MYO16: variants seen among roughly 807,000 people sequenced by gnomAD.
MYO16 encodes the protein unconventional myosin-XVI.
In MYO16, 94 loss-of-function variants were observed where a neutral mutation model predicts 205.3. The observed-to-expected ratio is 0.46, with a 90% CI of 0.39 to 0.54. MYO16 has a LOEUF of 0.54. Among genes scored for constraint, MYO16 ranks in the 20% least tolerant of loss-of-function variants. The pLI is 0.00. For synonymous variants in MYO16, 988 were observed against 954.0 expected, an observed-to-expected ratio of 1.04 and a Z score of -0.66; for missense variants, 2,315 against 2,387.5, an observed-to-expected ratio of 0.97 and a Z score of 0.63.
At chr13:108,532,155 G>A in the MYO16 span, among the ~76,000 whole-genome samples, 1 of 151,988 alleles carries the variant, frequency 6.6e-6, no homozygotes, top group East Asian at 1.9e-4. Flanking sequence ...GCCGTGAGCC[G>A]AGATTGTGCC....
At chr13:108,751,086 CAT>C (rs1491021145) in intron 4 of MYO16, among the ~76,000 whole-genome samples, 15 of 151,588 alleles carry the variant, frequency 9.9e-5, no homozygotes, top group East Asian at 1.9e-4. Flanking sequence ...CACACACACA[CAT>C]ACATTTCCCT....
At chr13:108,797,969 G>C (rs1379374386) in intron 6 of MYO16, among the ~76,000 whole-genome samples, 1 of 152,174 alleles carries the variant, frequency 6.6e-6, no homozygotes, top group Admixed American at 6.5e-5. Flanking sequence ...TTATTGAACA[G>C]AGAGCATAAA....
At chr13:108,707,334 A>G (rs187920871) in intron 2 of MYO16, among the ~76,000 whole-genome samples, 4 of 152,328 alleles carry the variant, frequency 2.6e-5, no homozygotes, top group Non-Finnish European at 4.4e-5. Context: ...ATAGGGATCA[A>G]TCAATGACGT....
intron 16 of MYO16, among the ~76,000 whole-genome samples, chr13:108,956,227 CCAGA>C (rs909102053): frequency 3.3e-5 from 5 of 152,120 alleles, no homozygotes; most frequent in African/African-American, 4.8e-5. Context: ...CCCTGTTTTC[CCAGA>C]CAGAGACTTG....
At chr13:108,969,781 T>C (rs1883940555) in intron 20 of MYO16, among the ~76,000 whole-genome samples, 1 of 152,198 alleles carries the variant, frequency 6.6e-6, no homozygotes, top group South Asian at 2.1e-4. Context: ...AACTGCGGAT[T>C]GTTAAATATT....
At chr13:108,644,918 G>A (rs946728293) in intron 1 of MYO16, among the ~76,000 whole-genome samples, 9 of 152,186 alleles carry the variant, frequency 5.9e-5, no homozygotes, top group African/African-American at 2.2e-4. Context: ...TTTATTCCAA[G>A]AGTATAAGTA....
chr13:109,128,768 GTTTT>G (rs1172405612), intron 31 of MYO16, among the ~76,000 whole-genome samples: 3 of 115,014 alleles, frequency 2.6e-5, no homozygotes, highest in African/African-American at 1.0e-4. Context: ...CACTTTTTTA[GTTTT>G]TTTTTTTTTT....
chr13:108,924,991 TC>T (rs1429367102), intron 16 of MYO16, among the ~76,000 whole-genome samples: 2 of 152,186 alleles, frequency 1.3e-5, no homozygotes, highest in Non-Finnish European at 2.9e-5. Context: ...TACTTGTCTT[TC>T]TGGGAATAGA....
the MYO16 span, among the ~76,000 whole-genome samples, chr13:108,549,372 C>G: frequency 3.3e-5 from 5 of 151,724 alleles, no homozygotes; most frequent in African/African-American, 1.2e-4. Context: ...AGAGGTTCCT[C>G]TGGATCTTCT....
At chr13:108,801,282 T>A (rs1430756877) in intron 6 of MYO16, among the ~76,000 whole-genome samples, 1 of 152,190 alleles carries the variant, frequency 6.6e-6, no homozygotes, top group African/African-American at 2.4e-5. Context: ...TTGAAATCAT[T>A]TTAGAAATAA....
chr13:108,890,632 G>A (rs73614634), intron 14 of MYO16, among the ~76,000 whole-genome samples: 10,449 of 152,108 alleles, frequency 0.069, 487 homozygotes, highest in Middle Eastern at 0.2. Flanking sequence ...TATCTAGTTC[G>A]GACTCATTGA....
At chr13:108,536,241 T>C in the MYO16 span, among the ~76,000 whole-genome samples, 3 of 152,268 alleles carry the variant, frequency 2.0e-5, no homozygotes, top group East Asian at 3.9e-4. Context: ...TTTGATGTAA[T>C]CTCTTTAGGA....
chr13:108,679,966 G>A (rs1321518230), intron 2 of MYO16, among the ~76,000 whole-genome samples: 1 of 151,992 alleles, frequency 6.6e-6, no homozygotes, highest in African/African-American at 2.4e-5. Context: ...CTAGAACTTT[G>A]TATGTTCTAG....
intron 34 of MYO16, among the ~76,000 whole-genome samples, chr13:109,194,235 A>AT (rs1880052254): frequency 6.6e-6 from 1 of 152,138 alleles, no homozygotes; most frequent in African/African-American, 2.4e-5. Flanking sequence ...AGTTCCTTGC[A>AT]TTTTCATAAA....
chr13:108,574,313 T>C, the MYO16 span, among the ~76,000 whole-genome samples: 3 of 152,178 alleles, frequency 2.0e-5, no homozygotes, highest in Admixed American at 1.3e-4. Flanking sequence ...CATGGTTATA[T>C]GAAGCAAGGA....
chr13:109,041,594 G>A (rs1886886696), intron 23 of MYO16, among the ~76,000 whole-genome samples: 2 of 152,128 alleles, frequency 1.3e-5, no homozygotes, highest in Non-Finnish European at 2.9e-5. Flanking sequence ...GCAACATGCG[G>A]GATCCGTGTG....
At chr13:109,023,699 A>T (rs1886235753) in intron 23 of MYO16, among the ~76,000 whole-genome samples, 1 of 127,916 alleles carries the variant, frequency 7.8e-6, no homozygotes, top group African/African-American at 2.9e-5. Flanking sequence ...ATATATGTAT[A>T]TATGTATATA....
At chr13:108,780,992 T>C (rs1484572927) in intron 4 of MYO16, among the ~76,000 whole-genome samples, 1 of 152,246 alleles carries the variant, frequency 6.6e-6, no homozygotes, top group East Asian at 1.9e-4. Context: ...TAAAAGAGCC[T>C]GATGACTTCT....
chr13:109,176,750 C>A (rs1161480582), intron 33 of MYO16, among the ~76,000 whole-genome samples: 1 of 151,540 alleles, frequency 6.6e-6, no homozygotes, highest in Admixed American at 6.6e-5. Flanking sequence ...CGGGCCCAGT[C>A]GCTTGTCCCA....
Sources: allele counts gnomAD v4.1 joint callset (sites outside exome capture counted in the v4.1 genomes callset), GRCh38; gene constraint gnomAD v4.1.1; transcripts MANE v1.5; gene names NCBI Gene and HGNC (gene_info 2026-07-23, HGNC 2026-07-21).